PIEZO2: variants seen among roughly 807,000 people sequenced by gnomAD.
PIEZO2 encodes the protein piezo-type mechanosensitive ion channel component 2.
Under a neutral mutation model 337.3 loss-of-function variants are expected in PIEZO2, and 172 were observed. That is an observed-to-expected ratio of 0.51 (90% CI 0.45 to 0.58). The LOEUF (loss-of-function observed/expected upper bound fraction) is 0.58, where lower values mean the gene tolerates loss of function less well. Among genes scored for constraint, PIEZO2 ranks in the 20% least tolerant of loss-of-function variants. The pLI is 0.00. For synonymous variants in PIEZO2, 1,251 were observed against 1,228.5 expected, an observed-to-expected ratio of 1.02 and a Z score of -0.38; for missense variants, 3,028 against 3,391.3, an observed-to-expected ratio of 0.89 and a Z score of 2.66.
chr18:10,705,774 C>T (rs1166026202), intron 40 of PIEZO2, 28 bp from the exon 41 acceptor site: 1 of 1,488,290 alleles, frequency 6.7e-7, no homozygotes, highest in African/African-American at 1.4e-5. Flanking sequence ...GGGCACAGAG[C>T]CCATGTCTTA....
chr18:10,726,727 G>C lies in PIEZO2; in HGVS notation c.5029+4680C>G, dbSNP rs1205952599. On this transcript the variant is annotated intron_variant, in intron 36 of 55. Transcript: ENST00000674853. The surrounding 1 kb of genome is among the most constrained non-coding windows in gnomAD (Gnocchi z 5.9). ...CCTGAACGGCATCCTGTGCATTCTG[G>C]GACATCGCCAGACCATCGATTTCCC... The C allele has an allele frequency of 6.9e-7, 1 of 1,444,032 alleles. No individual in the cohort carries two copies. Among genetic ancestry groups the C allele is most frequent in the South Asian group, 1.2e-5 (1 of 86,388 alleles). 89.5% of individuals were successfully genotyped at this position (1,444,032 alleles called of 1,614,324 possible).
intron 35 of PIEZO2, among the ~76,000 whole-genome samples, chr18:10,732,270 A>G (rs1340933557): frequency 1.3e-5 from 2 of 152,234 alleles, no homozygotes; most frequent in African/African-American, 4.8e-5. Context: ...AAAGTCAGCC[A>G]TATAGCAACA....
chr18:11,051,370 G>GTGTGTGTGTGT (rs1568330522), intron 2 of PIEZO2, among the ~76,000 whole-genome samples: 483 of 97,290 alleles, frequency 5.0e-3, no homozygotes, highest in African/African-American at 0.013. Flanking sequence ...TGTGTGTGTG[G>GTGTGTGTGTGT]GTGTGGGTGT....
At chr18:10,749,367 G>A (rs1339837987) in intron 29 of PIEZO2, among the ~76,000 whole-genome samples, 2 of 152,170 alleles carry the variant, frequency 1.3e-5, no homozygotes, top group Admixed American at 6.5e-5. Context: ...GGAGGCAGAA[G>A]TGGGAGGATT....
rs1338608158 is a variant in PIEZO2 at position 10,847,157 on chromosome 18, G to A, written c.917+8196C>T. Among the ~76,000 whole-genome samples, 1 of 152,214 alleles carries A rather than the reference G, an allele frequency of 6.6e-6. No homozygotes were observed. Among genetic ancestry groups the A allele is most frequent in the Non-Finnish European group, 1.5e-5 (1 of 68,032 alleles). On this transcript the variant is annotated intron_variant, in intron 7 of 55. Transcript: ENST00000674853. The surrounding 1 kb of genome is among the most constrained non-coding windows in gnomAD (Gnocchi z 5.7). ...GGGAATGAGCTGTTGAGCATTAGCA[G>A]AATCCTCTTAGTGTGGTATTATTAA... is the stretch of plus-strand genomic sequence containing the variant.
At chr18:11,052,638 A>G (rs562247683) in intron 2 of PIEZO2, among the ~76,000 whole-genome samples, 24 of 152,292 alleles carry the variant, frequency 1.6e-4, no homozygotes, top group Admixed American at 4.6e-4. Flanking sequence ...GATATATAAA[A>G]TCTAATATGT....
chr18:10,729,598 T>C (rs939897834), intron 36 of PIEZO2, among the ~76,000 whole-genome samples: 3 of 143,634 alleles, frequency 2.1e-5, no homozygotes, highest in African/African-American at 8.0e-5. Flanking sequence ...CACTCCAGCC[T>C]GTGTGACACA....
rs558642848 is a variant in PIEZO2, at chr18:11,143,155, G to T, written c.64+5370C>A. Among the ~76,000 whole-genome samples, 18 of 151,234 alleles carry T rather than the reference G, an allele frequency of 1.2e-4. No individual in the cohort carries two copies. The South Asian group carries it at 3.1e-3, about 26-fold the overall frequency. On this transcript the variant is annotated intron_variant, in intron 1 of 55. Coordinates refer to ENST00000674853, the MANE Select transcript of PIEZO2 (RefSeq NM_001378183.1). The surrounding 1 kb of genome is among the most constrained non-coding windows in gnomAD (Gnocchi z 4.9). ...CCTCAGTTCAATGGGATTTTTTTTTGACTGATTCCATGTCCTCAAGACAAC... is the reference window on the plus strand; with the variant it reads ...CCTCAGTTCAATGGGATTTTTTTTTTACTGATTCCATGTCCTCAAGACAAC...
rs186854943 is a variant in PIEZO2 at position 10,871,195 on chromosome 18, T to C, written c.492+58A>G. On this transcript the variant is annotated intron_variant, in intron 5 of 55. Coordinates refer to ENST00000674853, the MANE Select transcript of PIEZO2 (RefSeq NM_001378183.1). ...CTGTTATTATCATAGTTCTGCAACT[T>C]ATTAAGGGTCAAGGTCCTCAGAAAT... is the stretch of plus-strand genomic sequence containing the variant. 3.8e-4 allele frequency: 561 copies of C among 1,462,794 alleles called. 1 individual carries two copies. The highest frequency in any genetic ancestry group is 9.6e-4 in the Admixed American group (46 of 48,004). 90.6% of individuals were successfully genotyped at this position (1,462,794 alleles called of 1,614,324 possible).
intron 2 of PIEZO2, among the ~76,000 whole-genome samples, chr18:10,981,692 G>C (rs1477502012): frequency 6.6e-6 from 1 of 152,230 alleles, no homozygotes; most frequent in Non-Finnish European, 1.5e-5. Flanking sequence ...ATTTGAGTCA[G>C]TGACTGGGAG....
In PIEZO2 at chr18:10,784,261, A is replaced by G. The variant is rs1291042374; in HGVS notation, c.2492+523T>C. On this transcript the variant is annotated intron_variant, in intron 17 of 55. Coordinates refer to ENST00000674853, the MANE Select transcript of PIEZO2 (RefSeq NM_001378183.1). The surrounding 1 kb of genome is among the most constrained non-coding windows in gnomAD (Gnocchi z 4.5). The stretch of plus-strand genomic sequence containing the variant: ...GATAAAACAGCCGTAAGCTGCTAAA[A>G]GAAGATATTGTCATCATGTTGTCCT... Among the ~76,000 whole-genome samples, 1 of 152,246 alleles carries G rather than the reference A, an allele frequency of 6.6e-6. No homozygotes were observed. Among genetic ancestry groups the G allele is most frequent in the East Asian group, 1.9e-4 (1 of 5,202 alleles).
At chr18:10,705,247 T>C (rs1598379981) in intron 41 of PIEZO2, 89 bp downstream of exon 41, 2 of 1,403,356 alleles carry the variant, frequency 1.4e-6, no homozygotes, top group South Asian at 3.0e-5. Context: ...CTTTTTTCTA[T>C]ATATGAATTT....
intron 4 of PIEZO2, among the ~76,000 whole-genome samples, chr18:10,871,653 T>C (rs900268251): frequency 6.6e-6 from 1 of 152,194 alleles, no homozygotes; most frequent in Non-Finnish European, 1.5e-5. Context: ...TTTGAACCAA[T>C]CCTCACTCCT....
Position 11,048,156 on chromosome 18 carries a change from G to A in PIEZO2, c.160+17971C>T, listed in dbSNP as rs558018975. On this transcript the variant is annotated intron_variant, in intron 2 of 55. Transcript: ENST00000674853. This position sits in a 1 kb window ranked among gnomAD's most constrained non-coding sequence, Gnocchi z 4.5. ...GCCCCTGCTCCTGACTGCCCGAGGA[G>A]ACTATTAGTGACTTTCCCCAATACC... is the stretch of plus-strand genomic sequence containing the variant. Among the ~76,000 whole-genome samples, 1 of 152,276 alleles carries A rather than the reference G, an allele frequency of 6.6e-6. No individual in the cohort carries two copies. The highest frequency in any genetic ancestry group is 2.4e-5 in the African/African-American group (1 of 41,548).
intron 7 of PIEZO2, among the ~76,000 whole-genome samples, chr18:10,814,037 G>C (rs1180357387): frequency 6.6e-6 from 1 of 150,826 alleles, no homozygotes; most frequent in Admixed American, 6.6e-5. Flanking sequence ...GCTCAATCTC[G>C]GCTCTCGGCA....
At position 11,128,378 on chromosome 18, in the gene PIEZO2, C is replaced by T. The variant is rs567773417; in HGVS notation, c.64+20147G>A. On this transcript the variant is annotated intron_variant, in intron 1 of 55. Transcript: ENST00000674853. The surrounding 1 kb of genome is among the most constrained non-coding windows in gnomAD (Gnocchi z 4.1). ...GCTGACCTGCAACGAAAGATACATGCACAGCCCCGCCAGGTGTCTACTGTT... is the reference window on the plus strand; with the variant it reads ...GCTGACCTGCAACGAAAGATACATGTACAGCCCCGCCAGGTGTCTACTGTT... Among the ~76,000 whole-genome samples the T allele has an allele frequency of 6.6e-6, 1 of 152,264 alleles. No homozygotes were observed. The highest frequency in any genetic ancestry group is 2.4e-5 in the African/African-American group (1 of 41,540).
At chr18:11,120,063 C>T (rs2039989070) in intron 1 of PIEZO2, among the ~76,000 whole-genome samples, 1 of 152,196 alleles carries the variant, frequency 6.6e-6, no homozygotes, top group South Asian at 2.1e-4. Context: ...GCACAGGGCA[C>T]TAAGTCCTCC....
chr18:11,071,078 G>C (rs971076762), intron 1 of PIEZO2, among the ~76,000 whole-genome samples: 2 of 152,112 alleles, frequency 1.3e-5, no homozygotes, highest in South Asian at 4.1e-4. Context: ...ATGCAATAAA[G>C]CAAAATCCAT....
rs1198002920 is a variant in PIEZO2 at position 10,797,475 on chromosome 18, T to A, written c.1426A>T (p.Arg476Trp). The A allele has an allele frequency of 2.0e-6, 3 of 1,537,202 alleles. No individual in the cohort carries two copies. Among genetic ancestry groups the A allele is most frequent in the Non-Finnish European group, 2.6e-6 (3 of 1,146,896 alleles). The change falls in exon 12 of 56, where the codon AGG becomes TGG. Residue 476 changes from arginine (R) to tryptophan (W), a missense_variant. Coordinates refer to ENST00000674853, the MANE Select transcript of PIEZO2 (RefSeq NM_001378183.1). ...EEEKEEFEEE[R>W]SREEKRSIKV... Reference sequence around the variant, plus strand: ...ATACTTCTTTTTTCCTCACGGCTCCTTTCTTCTTCAAATTCTTCTTTCTCT... The same window carrying A: ...ATACTTCTTTTTTCCTCACGGCTCCATTCTTCTTCAAATTCTTCTTTCTCT...
Sources: allele counts gnomAD v4.1 joint callset (sites outside exome capture counted in the v4.1 genomes callset), GRCh38; gene constraint gnomAD v4.1.1; non-coding constraint Gnocchi (gnomAD v3.1); transcripts MANE v1.5; gene names NCBI Gene and HGNC (gene_info 2026-07-23, HGNC 2026-07-21).